TOX2: variants seen among roughly 807,000 people sequenced by gnomAD.
TOX2 encodes TOX high mobility group box family member 2.
In TOX2, 15 loss-of-function variants were observed where a neutral mutation model predicts 47.4. The ratio of observed to expected loss-of-function variants is 0.32; its 90% CI spans 0.21 to 0.49. The LOEUF is 0.49. Ranked by LOEUF, TOX2 falls within the 20% of genes least tolerant of loss-of-function variation. TOX2 has a pLI of 0.99. For synonymous variants in TOX2, 290 were observed against 296.6 expected (o/e 0.98, Z 0.23); for missense variants, 622 against 673.1 (o/e 0.92, Z 0.84).
intron 8 of TOX2, among the ~76,000 whole-genome samples, chr20:44,067,244 G>A: frequency 6.6e-6 from 1 of 152,140 alleles, no homozygotes; most frequent in East Asian, 1.9e-4. Context: ...TGCAGGAGAA[G>A]GGGGTGAGGG....
At chr20:44,034,863 T>A (rs1190755442) in intron 3 of TOX2, among the ~76,000 whole-genome samples, 1 of 152,224 alleles carries the variant, frequency 6.6e-6, no homozygotes, top group Non-Finnish European at 1.5e-5. Context: ...ATAGACACCC[T>A]GTTGGCTCCC....
At chr20:43,976,782 G>GCGCGCA (rs1555835309) in intron 2 of TOX2, among the ~76,000 whole-genome samples, 185 of 146,538 alleles carry the variant, frequency 1.3e-3, no homozygotes, top group African/African-American at 4.5e-3. Context: ...GAGCGCGCGC[G>GCGCGCA]CACACACACA....
chr20:44,051,753 C>T (rs1168124224), intron 4 of TOX2, among the ~76,000 whole-genome samples: 1 of 152,178 alleles, frequency 6.6e-6, no homozygotes, highest in Non-Finnish European at 1.5e-5. Context: ...TGTTAAGACC[C>T]CCAGGCCACG....
intron 3 of TOX2, among the ~76,000 whole-genome samples, chr20:44,024,180 A>G (rs577033380): frequency 6.6e-6 from 1 of 152,284 alleles, no homozygotes; most frequent in South Asian, 2.1e-4. Flanking sequence ...GGAGTTGTAT[A>G]TAGTATTACC....
chr20:43,968,668 T>G (rs961114314), intron 1 of TOX2, among the ~76,000 whole-genome samples: 2 of 152,212 alleles, frequency 1.3e-5, no homozygotes, highest in African/African-American at 4.8e-5. Context: ...GACAAAACTC[T>G]TGGGAAGAGA....
chr20:44,041,697 G>A (rs1246477811), intron 3 of TOX2, among the ~76,000 whole-genome samples: 3 of 152,228 alleles, frequency 2.0e-5, no homozygotes, highest in Non-Finnish European at 4.4e-5. Flanking sequence ...ACTATAGCAA[G>A]AATGAAGCTT....
intron 3 of TOX2, among the ~76,000 whole-genome samples, chr20:44,020,016 G>A (rs1256692691): frequency 6.6e-6 from 1 of 152,210 alleles, no homozygotes; most frequent in Non-Finnish European, 1.5e-5. Context: ...AGGGCTCCAA[G>A]GTCAGGCAGC....
At chr20:44,043,783 T>A (rs1052184120) in intron 3 of TOX2, among the ~76,000 whole-genome samples, 13 of 152,210 alleles carry the variant, frequency 8.5e-5, no homozygotes, top group African/African-American at 3.1e-4. Context: ...ATGCCAAAAA[T>A]TTATTTAAGT....
At chr20:43,980,068 G>A (rs1490749782) in intron 2 of TOX2, among the ~76,000 whole-genome samples, 3 of 152,162 alleles carry the variant, frequency 2.0e-5, no homozygotes, top group Admixed American at 6.5e-5. Context: ...TGAAGATATC[G>A]GCACTTCCAT....
Position 44,051,416 on chromosome 20 carries a change from C to T in TOX2, c.522C>T (p.Ser174=). The change falls in exon 4 of 9, where the codon TCC becomes TCT. Residue 174 remains serine, a synonymous_variant. Coordinates refer to ENST00000341197, the MANE Select transcript of TOX2 (RefSeq NM_001098797.2). ...LASHMSALSQ[S]QLISQMGIRS... is the part of the protein sequence containing the mutation. The stretch of plus-strand genomic sequence containing the variant: ...GCCACATGAGTGCCCTCAGCCAGTC[C>T]CAGCTCATCTCGCAGATGGGCATCC... The T allele has an allele frequency of 6.2e-7, 1 of 1,614,118 alleles. No homozygotes were observed. Among genetic ancestry groups the T allele is most frequent in the Non-Finnish European group, 8.5e-7 (1 of 1,180,010 alleles).
At chr20:43,927,577 A>T (rs376960213) in intron 1 of TOX2, among the ~76,000 whole-genome samples, 1 of 144,070 alleles carries the variant, frequency 6.9e-6, no homozygotes, top group African/African-American at 2.6e-5. Context: ...TTTGCCACCT[A>T]TGAAGAGTTA....
rs11472862 is a variant in TOX2 at position 44,048,388 on chromosome 20, T to TTATATATATATATATA, written c.412-2908_412-2893dup. Among the ~76,000 whole-genome samples the TTATATATATATATATA allele has an allele frequency of 5.5e-3, 478 of 86,738 alleles. 21 individuals are homozygous for TTATATATATATATATA. Among genetic ancestry groups the TTATATATATATATATA allele is most frequent in the East Asian group, 8.5e-3 (28 of 3,310 alleles). 56.9% of individuals were successfully genotyped at this position (86,738 alleles called of 152,430 possible). A position where few individuals can be genotyped will look rare whatever the true frequency, so the allele number is the denominator to read the frequency against. ...ATGTTAGTATCTGGATAAAATGAAT[T>TTATATATATATATATA]TATATATATATATATATATATATAT... is the stretch of plus-strand genomic sequence containing the variant. On this transcript the variant is annotated intron_variant, in intron 3 of 8. Transcript: ENST00000341197.
In TOX2 at chr20:43,932,520, G is replaced by A. The variant is rs80241223; in HGVS notation, c.99+17530G>A. On this transcript the variant is annotated intron_variant, in intron 1 of 8. Transcript: ENST00000341197. ...TGAATTAGGACGATTAGCAAAAGGT[G>A]AACCGCTTCCCTCCTCAGGCGACAG... Among the ~76,000 whole-genome samples the A allele has an allele frequency of 1.4e-3, 209 of 152,324 alleles. 1 individual carries two copies. In the East Asian group the frequency reaches 0.037, roughly 27 times the overall value.
At chr20:44,039,238 T>A (rs1569123455) in intron 3 of TOX2, 1 of 1,289,088 alleles carries the variant, frequency 7.8e-7, no homozygotes, top group Non-Finnish European at 1.0e-6. Context: ...AGGTAAGCCA[T>A]AAAGGAGGAT....
intron 3 of TOX2, among the ~76,000 whole-genome samples, chr20:44,027,902 GCCAGTCTGGGGCCTAGAGCTC>G (rs903023823): frequency 6.6e-6 from 1 of 152,168 alleles, no homozygotes; most frequent in Non-Finnish European, 1.5e-5. Context: ...CATGGAGGCT[GCCAGTCTGGGGCCTAGAGCTC>G]CCAGCCCACC....
At chr20:43,941,681 G>A (rs981946198) in intron 1 of TOX2, among the ~76,000 whole-genome samples, 1 of 152,094 alleles carries the variant, frequency 6.6e-6, no homozygotes, top group African/African-American at 2.4e-5. Flanking sequence ...TCTCAGCTTT[G>A]GTGTTTTCTA....
chr20:43,951,921 G>A (rs562065376), intron 1 of TOX2, among the ~76,000 whole-genome samples: 3 of 151,084 alleles, frequency 2.0e-5, no homozygotes, highest in Non-Finnish European at 3.0e-5. Flanking sequence ...TTTTGAGGCC[G>A]AGTCTCGCTC....
At chr20:43,966,854 C>T (rs1374823601) in intron 1 of TOX2, among the ~76,000 whole-genome samples, 1 of 151,844 alleles carries the variant, frequency 6.6e-6, no homozygotes, top group African/African-American at 2.4e-5. Flanking sequence ...TGGATATAGG[C>T]TAAGTGATGT....
chr20:43,939,250 C>G (rs549721450), intron 1 of TOX2, among the ~76,000 whole-genome samples: 95 of 152,282 alleles, frequency 6.2e-4, no homozygotes, highest in African/African-American at 1.9e-3. Context: ...AGTTACTTAA[C>G]CTCTCTATGC....
Sources: allele counts gnomAD v4.1 joint callset (sites outside exome capture counted in the v4.1 genomes callset), GRCh38; gene constraint gnomAD v4.1.1; transcripts MANE v1.5; gene names NCBI Gene and HGNC (gene_info 2026-07-23, HGNC 2026-07-21).